GABRG3: variants seen among roughly 807,000 people sequenced by gnomAD.
GABRG3 encodes the protein gamma-aminobutyric acid type A receptor subunit gamma3.
In GABRG3, 25 loss-of-function variants were observed where a neutral mutation model predicts 48.8. The observed-to-expected ratio is 0.51, with a 90% CI of 0.37 to 0.72. GABRG3 has a LOEUF of 0.72. Ranked by LOEUF, GABRG3 falls within the 30% of genes least tolerant of loss-of-function variation. The pLI, the probability that GABRG3 is intolerant of heterozygous loss-of-function variation, is 0.00. For missense variants in GABRG3, 394 were observed against 577.9 expected (o/e 0.68, Z 3.26); for synonymous variants, 227 against 217.6 (o/e 1.04, Z -0.38).
rs866559565 is a variant in GABRG3, at chr15:27,313,288, A to G, written c.271-13521A>G. 1.1e-3 allele frequency among the ~76,000 whole-genome samples: 122 copies of G among 111,702 alleles called. 1 individual carries two copies. Among genetic ancestry groups the G allele is most frequent in the East Asian group, 4.3e-3 (11 of 2,540 alleles). The allele number at this position is 111,702 out of a possible 152,430, so 73.3% of individuals were successfully genotyped here. On this transcript the variant is annotated intron_variant, in intron 3 of 9. Transcript: ENST00000615808. ...TATATATATATATATATATATATAT[A>G]TATATATATATATATATATATACCC... is the stretch of plus-strand genomic sequence containing the variant.
intron 3 of GABRG3, among the ~76,000 whole-genome samples, chr15:27,282,621 A>C (rs960226854): frequency 6.6e-6 from 1 of 152,082 alleles, no homozygotes; most frequent in South Asian, 2.1e-4. Flanking sequence ...ATTTGTGTCC[A>C]TAGAGTTCTT....
intron 5 of GABRG3, among the ~76,000 whole-genome samples, chr15:27,387,035 T>C (rs1895943930): frequency 6.6e-6 from 1 of 152,218 alleles, no homozygotes; most frequent in South Asian, 2.1e-4. Flanking sequence ...TTACCTTCAC[T>C]TGGAAACTTC....
chr15:27,524,315 CGGACAAAGAA>C (rs1021169621), intron 7 of GABRG3, among the ~76,000 whole-genome samples: 20 of 151,944 alleles, frequency 1.3e-4, no homozygotes, highest in African/African-American at 4.8e-4. Context: ...AATCCATTCT[CGGACAAAGAA>C]GAACAAAGAG....
rs73375520 is a variant in GABRG3, at chr15:27,194,749, C to T, written c.271-132060C>T. Among the ~76,000 whole-genome samples, 1,207 of 152,136 alleles carry T rather than the reference C, an allele frequency of 7.9e-3. 14 individuals are homozygous for T. Among genetic ancestry groups the T allele is most frequent in the African/African-American group, 0.028 (1,173 of 41,528 alleles). On this transcript the variant is annotated intron_variant, in intron 3 of 9. Coordinates refer to ENST00000615808, the MANE Select transcript of GABRG3 (RefSeq NM_033223.5). Reference sequence around the variant, plus strand: ...TGGATTTTGTTGGGTTTATTTTACTCGAGGTTTGCTTAGCCTCTTGAATAT... The same window carrying T: ...TGGATTTTGTTGGGTTTATTTTACTTGAGGTTTGCTTAGCCTCTTGAATAT...
chr15:27,468,063 C>T (rs910002177), intron 5 of GABRG3, among the ~76,000 whole-genome samples: 5 of 152,164 alleles, frequency 3.3e-5, no homozygotes, highest in Non-Finnish European at 7.3e-5. Flanking sequence ...ATCAAATCAA[C>T]GGTCACAGTA....
chr15:27,215,432 C>A (rs986131955), intron 3 of GABRG3, among the ~76,000 whole-genome samples: 2 of 152,192 alleles, frequency 1.3e-5, no homozygotes, highest in Non-Finnish European at 2.9e-5. Context: ...CCCAGATGCA[C>A]CCCATTCTTG....
intron 5 of GABRG3, among the ~76,000 whole-genome samples, chr15:27,471,844 A>C (rs1889796827): frequency 6.6e-6 from 1 of 152,218 alleles, no homozygotes; most frequent in African/African-American, 2.4e-5. Context: ...TAGCACCAAT[A>C]CACAATAGGT....
intron 3 of GABRG3, among the ~76,000 whole-genome samples, chr15:27,148,336 A>C (rs928254976): frequency 1.3e-5 from 2 of 152,058 alleles, no homozygotes; most frequent in Non-Finnish European, 2.9e-5. Flanking sequence ...ACATAAAAAA[A>C]GAGGTTTATT....
chr15:27,207,513 C>A (rs1888893990), intron 3 of GABRG3, among the ~76,000 whole-genome samples: 1 of 152,170 alleles, frequency 6.6e-6, no homozygotes, highest in Admixed American at 6.5e-5. Context: ...TACCATTAAT[C>A]CTAAGGAAAT....
intron 3 of GABRG3, among the ~76,000 whole-genome samples, chr15:27,121,973 G>A (rs1337088806): frequency 6.6e-6 from 1 of 152,228 alleles, no homozygotes; most frequent in African/African-American, 2.4e-5. Context: ...GGGTAGTGGA[G>A]ATGGAGCGGG....
At chr15:27,157,370 G>T (rs558854589) in intron 3 of GABRG3, among the ~76,000 whole-genome samples, 37 of 152,268 alleles carry the variant, frequency 2.4e-4, no homozygotes, top group Non-Finnish European at 4.7e-4. Context: ...TCAAATACAG[G>T]AATCATAAGC....
intron 3 of GABRG3, among the ~76,000 whole-genome samples, chr15:27,279,234 A>G (rs1174483733): frequency 6.6e-6 from 1 of 152,110 alleles, no homozygotes; most frequent in Non-Finnish European, 1.5e-5. Flanking sequence ...TCCTCTTAAC[A>G]GGGTTTTGGA....
chr15:27,192,308 T>C (rs376860466), intron 3 of GABRG3, among the ~76,000 whole-genome samples: 133 of 152,274 alleles, frequency 8.7e-4, no homozygotes, highest in African/African-American at 2.4e-3. Context: ...TGGATAATAT[T>C]CTGCAGAGTG....
intron 3 of GABRG3, among the ~76,000 whole-genome samples, chr15:27,209,401 T>C (rs921108202): frequency 6.6e-6 from 1 of 152,144 alleles, no homozygotes; most frequent in Non-Finnish European, 1.5e-5. Flanking sequence ...TCTTTTCTTT[T>C]TTTTTTGAGA....
intron 3 of GABRG3, among the ~76,000 whole-genome samples, chr15:27,313,266 A>ATATATATG (rs1893079465): frequency 6.9e-5 from 1 of 14,462 alleles, no homozygotes; most frequent in Non-Finnish European, 1.2e-4. Context: ...GTGTGTGTAT[A>ATATATATG]TATATATATA....
At chr15:27,354,464 C>T (rs1409167528) in intron 5 of GABRG3, among the ~76,000 whole-genome samples, 5 of 152,152 alleles carry the variant, frequency 3.3e-5, no homozygotes, top group Non-Finnish European at 7.3e-5. Context: ...ACTGCAAGGG[C>T]ACCACCCGTC....
chr15:27,129,708 GT>G lies in GABRG3; in HGVS notation c.270+102891del, dbSNP rs202202572. On this transcript the variant is annotated intron_variant, in intron 3 of 9. Transcript: ENST00000615808. ...TCCTCGCCAACACTTGTTAGTTTCT[GT>G]TTTGTTTTTTTTTTTTTCATAACAG... Among the ~76,000 whole-genome samples, 9 of 140,880 alleles carry G rather than the reference GT, an allele frequency of 6.4e-5. No homozygotes were observed. The South Asian group carries it at 9.1e-4, about 14-fold the overall frequency. The allele number at this position is 140,880 out of a possible 152,430, so 92.4% of individuals were successfully genotyped here.
At chr15:27,217,183 G>A (rs1042465279) in intron 3 of GABRG3, among the ~76,000 whole-genome samples, 2 of 151,996 alleles carry the variant, frequency 1.3e-5, no homozygotes, top group African/African-American at 4.8e-5. Context: ...ATCATTGTTG[G>A]ACACTTGGAC....
At chr15:27,502,740 G>A (rs1055689620) in intron 6 of GABRG3, among the ~76,000 whole-genome samples, 7 of 152,138 alleles carry the variant, frequency 4.6e-5, no homozygotes, top group African/African-American at 1.7e-4. Context: ...ACAGAACTCA[G>A]GGAAATACTT....
Sources: gnomAD v4.1 joint callset for allele counts (sites outside exome capture counted in the v4.1 genomes callset) on GRCh38, gnomAD v4.1.1 for gene constraint, MANE v1.5 for transcripts, NCBI Gene and HGNC (gene_info 2026-07-23, HGNC 2026-07-21) for gene names.